The following METTL14 variants were observed in gnomAD, a reference collection of about 807,000 sequenced individuals.
METTL14 encodes the protein methyltransferase 14, N6-adenosine-methyltransferase non-catalytic subunit, also known as N(6)-adenosine-methyltransferase non-catalytic subunit METTL14.
A neutral mutation model predicts 62.4 loss-of-function variants in METTL14; 32 were observed. The observed-to-expected ratio is 0.51, with a 90% CI of 0.39 to 0.69. The LOEUF is 0.69. Among genes scored for constraint, METTL14 ranks in the 30% least tolerant of loss-of-function variants. METTL14 has a pLI of 0.00. For missense variants in METTL14, 340 were observed against 551.9 expected (o/e 0.62, Z 3.85); for synonymous variants, 150 against 180.0 (o/e 0.83, Z 1.34).
chr4:118,699,140 A>G (rs1201465751), intron 7 of METTL14, among the ~76,000 whole-genome samples: 1 of 152,136 alleles, frequency 6.6e-6, no homozygotes, highest in East Asian at 1.9e-4. Flanking sequence ...AAACTGGAAG[A>G]CGTGTTTCTT....
intron 8 of METTL14, among the ~76,000 whole-genome samples, chr4:118,701,183 G>GTTTTTTTTTTTTT (rs373953605): frequency 2.3e-5 from 3 of 132,248 alleles, no homozygotes; most frequent in South Asian, 2.2e-4. Context: ...GTTTTTTTTT[G>GTTTTTTTTTTTTT]TTTTTTTTTG....
Position 118,710,450 on chromosome 4 carries a change from C to A in METTL14, c.*148C>A. ...TGCAAGAATGTCTTAGCGAGCCTTG[C>A]TTGCAGTTGTCACACACACTGTCTG... On this transcript the variant is annotated 3_prime_UTR_variant, in exon 11 of 11. Transcript: ENST00000388822. The A allele has an allele frequency of 1.3e-6, 1 of 762,080 alleles. No individual in the cohort carries two copies. The highest frequency in any genetic ancestry group is 2.1e-6 in the Non-Finnish European group (1 of 484,558). The allele number at this position is 762,080 out of a possible 1,614,324, so 47.2% of individuals were successfully genotyped here.
At chr4:118,703,882 A>G (rs1477344818) in intron 8 of METTL14, 53 bp from the exon 9 acceptor site, 2 of 1,019,918 alleles carry the variant, frequency 2.0e-6, no homozygotes. Context: ...ATTGTTAAGT[A>G]TTGTTTATTT....
At chr4:118,702,896 C>T (rs899366839) in intron 8 of METTL14, among the ~76,000 whole-genome samples, 1 of 149,154 alleles carries the variant, frequency 6.7e-6, no homozygotes, top group Non-Finnish European at 1.5e-5. Context: ...GGGGAACTCC[C>T]AACAGGATTT....
chr4:118,709,115 G>A (rs1724845874), intron 10 of METTL14, among the ~76,000 whole-genome samples: 1 of 152,162 alleles, frequency 6.6e-6, no homozygotes, highest in Admixed American at 6.5e-5. Flanking sequence ...GATGTTGAAG[G>A]GTGGGATTTT....
chr4:118,688,202 G>A (rs935395556), intron 2 of METTL14, among the ~76,000 whole-genome samples, 191 bp downstream of exon 2: 1 of 151,902 alleles, frequency 6.6e-6, no homozygotes, highest in Non-Finnish European at 1.5e-5. Context: ...GCCGAGGCAG[G>A]TGGATCACTT....
At position 118,712,186 on chromosome 4, in the gene METTL14, A is replaced by C. The variant is rs1233193878; in HGVS notation, c.*1884A>C. On this transcript the variant is annotated 3_prime_UTR_variant, in exon 11 of 11. Transcript: ENST00000388822. ...GATTCACTAGTTTTTGCTAACTTTC[A>C]CTTTCAGTAAAGGTTGAGGTGTTGT... 1 of 152,182 alleles carries C rather than the reference A, an allele frequency of 6.6e-6. No homozygotes were observed. Among genetic ancestry groups the C allele is most frequent in the Non-Finnish European group, 1.5e-5 (1 of 68,034 alleles). 9.4% of individuals were successfully genotyped at this position (152,182 alleles called of 1,614,324 possible).
chr4:118,702,255 C>T (rs1724617105), intron 8 of METTL14, among the ~76,000 whole-genome samples: 1 of 151,174 alleles, frequency 6.6e-6, no homozygotes, highest in Non-Finnish European at 1.5e-5. Flanking sequence ...GAGTAGCCAT[C>T]CAGGAGGTTT....
chr4:118,697,380 A>G, intron 7 of METTL14, 57 bp downstream of exon 7: 1 of 1,414,508 alleles, frequency 7.1e-7, no homozygotes, highest in Non-Finnish European at 9.6e-7. Flanking sequence ...GAATATGTTT[A>G]TTTGGTCAGA....
intron 6 of METTL14, among the ~76,000 whole-genome samples, chr4:118,695,375 C>G (rs978062518): frequency 3.3e-5 from 5 of 151,656 alleles, no homozygotes; most frequent in Admixed American, 6.6e-5. Context: ...ATGCTGAAAC[C>G]CTGTCTCTAC....
intron 8 of METTL14, 111 bp from the exon 9 acceptor site, chr4:118,703,824 A>T: frequency 1.7e-6 from 1 of 589,060 alleles, no homozygotes; most frequent in Non-Finnish European, 2.9e-6. Context: ...GAAACCTTGG[A>T]ATATAGTGTC....
chr4:118,691,913 A>T, intron 4 of METTL14, 68 bp from the exon 5 acceptor site: 3 of 994,080 alleles, frequency 3.0e-6, no homozygotes, highest in Non-Finnish European at 4.7e-6. Context: ...GTAATAGAAA[A>T]CAGTACAGAG....
intron 10 of METTL14, among the ~76,000 whole-genome samples, chr4:118,708,327 A>G (rs558055499): frequency 6.0e-4 from 91 of 152,190 alleles, no homozygotes; most frequent in African/African-American, 2.1e-3. Context: ...ATATCTTTAA[A>G]TTTTCTGTTT....
chr4:118,698,534 A>G (rs181546677), intron 7 of METTL14, among the ~76,000 whole-genome samples: 25 of 151,762 alleles, frequency 1.6e-4, no homozygotes, highest in African/African-American at 5.8e-4. Context: ...TAATGCTGAG[A>G]TGAAGGGACG....
In METTL14 at chr4:118,704,069, TTG is replaced by T; in HGVS notation, c.855+20_855+21del. 1.4e-6 allele frequency: 2 copies of T among 1,446,236 alleles called. No homozygotes were observed. The highest frequency in any genetic ancestry group is 1.9e-6 in the Non-Finnish European group (2 of 1,053,426). 89.6% of individuals were successfully genotyped at this position (1,446,236 alleles called of 1,614,324 possible). A position where few individuals can be genotyped will look rare whatever the true frequency, so the allele number is the denominator to read the frequency against. On this transcript the variant is annotated intron_variant, in intron 9 of 10. Transcript: ENST00000388822. ...GAACAAAGGTATTGCCTTTACTGAT[TTG>T]TTTTTTTTAATTTTTGTGATTTTCT...
Position 118,713,160 on chromosome 4 carries a change from G to C in METTL14, c.*2858G>C, listed in dbSNP as rs1005894512. 1.3e-5 allele frequency: 2 copies of C among 152,166 alleles called. No homozygotes were observed. The highest frequency in any genetic ancestry group is 1.3e-4 in the Admixed American group (2 of 15,274). 9.4% of individuals were successfully genotyped at this position (152,166 alleles called of 1,614,324 possible). A position where few individuals can be genotyped will look rare whatever the true frequency, so the allele number is the denominator to read the frequency against. On this transcript the variant is annotated 3_prime_UTR_variant, in exon 11 of 11. Transcript: ENST00000388822. ...GTTGAGAGGGATCACTACTGCAGCAGTTCTGCTCTGTTACTCTGGTAAGTA... is the reference window on the plus strand; with the variant it reads ...GTTGAGAGGGATCACTACTGCAGCACTTCTGCTCTGTTACTCTGGTAAGTA...
At chr4:118,698,036 T>C (rs149499977) in intron 7 of METTL14, among the ~76,000 whole-genome samples, 1 of 152,192 alleles carries the variant, frequency 6.6e-6, no homozygotes, top group Non-Finnish European at 1.5e-5. Flanking sequence ...TGGGACTATC[T>C]TGAGGTGATG....
chr4:118,692,557 C>G (rs566769636), intron 5 of METTL14, among the ~76,000 whole-genome samples: 1 of 152,138 alleles, frequency 6.6e-6, no homozygotes, highest in Non-Finnish European at 1.5e-5. Flanking sequence ...CGTGAGCCAC[C>G]GCTCCAGGCC....
rs1056857546 is a variant in METTL14 at position 118,712,077 on chromosome 4, G to T, written c.*1775G>T. 15 of 152,148 alleles carry T rather than the reference G, an allele frequency of 9.9e-5. No homozygotes were observed. Among genetic ancestry groups the T allele is most frequent in the African/African-American group, 3.6e-4 (15 of 41,438 alleles). 9.4% of individuals were successfully genotyped at this position (152,148 alleles called of 1,614,324 possible). A position where few individuals can be genotyped will look rare whatever the true frequency, so the allele number is the denominator to read the frequency against. On this transcript the variant is annotated 3_prime_UTR_variant, in exon 11 of 11. Transcript: ENST00000388822. The stretch of plus-strand genomic sequence containing the variant: ...ATTTAGGAAAAAGTTATTTAAAAAA[G>T]AGCAGATGGTGGAAAAAGAATGTAA...
Sources: allele counts gnomAD v4.1 joint callset (sites outside exome capture counted in the v4.1 genomes callset), GRCh38; gene constraint gnomAD v4.1.1; transcripts MANE v1.5; gene names NCBI Gene and HGNC (gene_info 2026-07-23, HGNC 2026-07-21).